EXOSC10: variants seen among roughly 807,000 people sequenced by gnomAD.
The protein encoded by EXOSC10 is exosome complex component 10.
In EXOSC10, 94 loss-of-function variants were observed where a neutral mutation model predicts 126.6. The ratio of observed to expected loss-of-function variants is 0.74; its 90% CI spans 0.63 to 0.88. The LOEUF is 0.88. Ranked by LOEUF, EXOSC10 falls within the 40% of genes least tolerant of loss-of-function variation. The probability of loss-of-function intolerance (pLI) is 0.00; values close to 1 mark genes in which losing one functional copy is unlikely to be tolerated. For missense variants in EXOSC10, 1,041 were observed against 1,100.5 expected (o/e 0.95, Z 0.77); for synonymous variants, 395 against 400.8 (o/e 0.99, Z 0.17).
At position 11,067,357 on chromosome 1, in the gene EXOSC10, G is replaced by A. The variant is rs868079474; in HGVS notation, c.2628-609C>T. On this transcript the variant is annotated intron_variant, in intron 24 of 24. Transcript: ENST00000376936. The stretch of plus-strand genomic sequence containing the variant: ...TGAGGCAGGAGAATGGCGTGAACCC[G>A]GGAGGCGCAGCTTGCAGTGAGCAGA... 1.7e-3 allele frequency among the ~76,000 whole-genome samples: 265 copies of A among 151,890 alleles called. 1 individual carries two copies. The highest frequency in any genetic ancestry group is 3.4e-3 in the Middle Eastern group (1 of 294).
intron 3 of EXOSC10, among the ~76,000 whole-genome samples, chr1:11,094,388 G>A (rs1195781335): frequency 2.0e-5 from 3 of 151,242 alleles, no homozygotes; most frequent in East Asian, 3.9e-4. Context: ...TCTGCCTCAC[G>A]AGTTCAAGCG....
intron 9 of EXOSC10, among the ~76,000 whole-genome samples, chr1:11,084,768 G>T (rs1375979995): frequency 6.6e-6 from 1 of 152,072 alleles, no homozygotes; most frequent in African/African-American, 2.4e-5. Flanking sequence ...GTCTAACGTT[G>T]TTAAGTCTTT....
chr1:11,089,302 G>C (rs1432444420), intron 6 of EXOSC10, among the ~76,000 whole-genome samples: 6 of 151,444 alleles, frequency 4.0e-5, no homozygotes, highest in Non-Finnish European at 5.9e-5. Flanking sequence ...ATAGTATGGA[G>C]GAAAGACAAA....
At chr1:11,083,278 T>C (rs1640272546) in intron 9 of EXOSC10, among the ~76,000 whole-genome samples, 2 of 152,110 alleles carry the variant, frequency 1.3e-5, no homozygotes, top group South Asian at 4.1e-4. Context: ...AGATTAGATA[T>C]ATGCAGCTGG....
In EXOSC10 at chr1:11,094,295, C is replaced by CTT. The variant is rs148618446; in HGVS notation, c.372+1461_372+1462dup. ...CCCTGGCCAGAATAAGGCACTTTAA[C>CTT]TTTTTTTTTTTTTTTTGAGATGGCG... On this transcript the variant is annotated intron_variant, in intron 3 of 24. Coordinates refer to ENST00000376936, the MANE Select transcript of EXOSC10 (RefSeq NM_001001998.3). Among the ~76,000 whole-genome samples the CTT allele has an allele frequency of 7.4e-3, 1,042 of 140,070 alleles. 20 individuals carry two copies. Among genetic ancestry groups the CTT allele is most frequent in the African/African-American group, 0.025 (978 of 38,358 alleles). 91.9% of individuals were successfully genotyped at this position (140,070 alleles called of 152,430 possible).
chr1:11,093,435 C>T (rs781419107), intron 3 of EXOSC10, among the ~76,000 whole-genome samples: 1 of 152,130 alleles, frequency 6.6e-6, no homozygotes, highest in Non-Finnish European at 1.5e-5. Flanking sequence ...TATGGCAGGA[C>T]TTGAAATCAC....
chr1:11,082,415 A>C, intron 10 of EXOSC10: 1 of 623,844 alleles, frequency 1.6e-6, no homozygotes, highest in Non-Finnish European at 2.5e-6. Flanking sequence ...TTTCAAACAA[A>C]AGACCAGCAT....
At position 11,099,801 on chromosome 1, in the gene EXOSC10, C is replaced by T. The variant is rs1274644846; in HGVS notation, c.31G>A (p.Val11Ile). 2 of 1,611,654 alleles carry T rather than the reference C, an allele frequency of 1.2e-6. No individual in the cohort carries two copies. Among genetic ancestry groups the T allele is most frequent in the East Asian group, 2.3e-5 (1 of 44,402 alleles). ...TTGGTTGCGCTGGTCGCCGACAGGACCCTGGGCTCCCGGGTACTGGGTGGC... is the reference window on the plus strand; with the variant it reads ...TTGGTTGCGCTGGTCGCCGACAGGATCCTGGGCTCCCGGGTACTGGGTGGC... Reference protein sequence around the residue: MAPPSTREPRVLSATSATKSD... With the variant: MAPPSTREPRILSATSATKSD... Residue 11 changes from valine (V) to isoleucine (I), a missense_variant, in exon 1 of 25, where the codon GTC (valine) becomes ATC (isoleucine). Physicochemically the swap from Val to Ile is conservative, Grantham distance 29. Coordinates refer to ENST00000376936, the MANE Select transcript of EXOSC10 (RefSeq NM_001001998.3).
At chr1:11,086,078 TTC>T (rs1640477208) in intron 9 of EXOSC10, among the ~76,000 whole-genome samples, 1 of 150,988 alleles carries the variant, frequency 6.6e-6, no homozygotes. Flanking sequence ...TGGTCTAAAA[TTC>T]TCTTTTTTGG....
At chr1:11,090,907 A>C (rs1266570594) in intron 5 of EXOSC10, 107 bp downstream of exon 5, 1 of 1,186,782 alleles carries the variant, frequency 8.4e-7, no homozygotes, top group Non-Finnish European at 1.2e-6. Context: ...CTTTGAACAA[A>C]GGAGGGTGGG....
At chr1:11,075,544 T>C (rs1018743258) in intron 17 of EXOSC10, among the ~76,000 whole-genome samples, 1 of 152,182 alleles carries the variant, frequency 6.6e-6, no homozygotes, top group African/African-American at 2.4e-5. Flanking sequence ...CTAAATCATC[T>C]TCATGACTCA....
intron 9 of EXOSC10, among the ~76,000 whole-genome samples, chr1:11,086,915 A>C (rs938995764): frequency 6.6e-6 from 1 of 152,168 alleles, no homozygotes; most frequent in Non-Finnish European, 1.5e-5. Context: ...AAGAACTAGA[A>C]AAGCAAGAGC....
chr1:11,081,180 T>C lies in EXOSC10; in HGVS notation c.1339A>G (p.Ile447Val). Residue 447 changes from isoleucine (I) to valine (V), a missense_variant, in exon 11 of 25, where the codon ATC (isoleucine) becomes GTC (valine). Transcript: ENST00000376936. Reference sequence around the variant, plus strand: ...ATCTCCAGCCTCATTTTGTCATAGATATATAGCAGGTAATGGGTGTCATCC... The same window carrying C: ...ATCTCCAGCCTCATTTTGTCATAGACATATAGCAGGTAATGGGTGTCATCC... ...ARDDTHYLLYIYDKMRLEMWE... is the reference protein window; with the variant it reads ...ARDDTHYLLYVYDKMRLEMWE... 1 of 1,614,148 alleles carries C rather than the reference T, an allele frequency of 6.2e-7. No homozygotes were observed. Among genetic ancestry groups the C allele is most frequent in the Non-Finnish European group, 8.5e-7 (1 of 1,180,038 alleles).
Position 11,099,823 on chromosome 1 carries a change from T to C in EXOSC10, c.9A>G (p.Pro3=). 6.2e-7 allele frequency: 1 copy of C among 1,605,962 alleles called. No homozygotes were observed. The highest frequency in any genetic ancestry group is 8.5e-7 in the Non-Finnish European group (1 of 1,175,786). The change falls in exon 1 of 25, where the codon CCA becomes CCG. Residue 3 remains proline (P), a synonymous_variant. Coordinates refer to ENST00000376936, the MANE Select transcript of EXOSC10 (RefSeq NM_001001998.3). MA[P]PSTREPRVLS... ...GGACCCTGGGCTCCCGGGTACTGGG[T>C]GGCGCCATTTTTTCAGCCTGCACGG...
At chr1:11,084,203 ACT>A (rs1339806220) in intron 9 of EXOSC10, among the ~76,000 whole-genome samples, 24 of 152,238 alleles carry the variant, frequency 1.6e-4, no homozygotes, top group African/African-American at 5.8e-4. Context: ...GAATTGCCAC[ACT>A]GACTTCCACA....
At chr1:11,069,790 C>T (rs1045629901) in intron 21 of EXOSC10, 60 bp from the exon 22 acceptor site, 15 of 1,578,400 alleles carry the variant, frequency 9.5e-6, no homozygotes, top group Admixed American at 3.6e-5. Flanking sequence ...CAGGGAACTC[C>T]ACCGGCCTCA....
In EXOSC10 at chr1:11,087,890, C is replaced by T. The variant is rs770994907; in HGVS notation, c.855G>A (p.Glu285=). Residue 285 remains glutamate (E), a synonymous_variant, in exon 8 of 25, where the codon GAG becomes GAA. Transcript: ENST00000376936. ...GGGAGGATATGAAATGGCATGGTGT[C>T]TCTTCTATAGGTCTGTATAACTGGA... The part of the protein sequence containing the change: ...PQPQLYRPIE[E]TPCHFISSLD... 1.2e-6 allele frequency: 2 copies of T among 1,609,952 alleles called. No individual in the cohort carries two copies. Among genetic ancestry groups the T allele is most frequent in the South Asian group, 2.2e-5 (2 of 90,884 alleles).
In EXOSC10 at chr1:11,087,813, G is replaced by A. The variant is rs1483916848; in HGVS notation, c.932C>T (p.Ala311Val). The A allele has an allele frequency of 1.2e-6, 2 of 1,611,778 alleles. No homozygotes were observed. The highest frequency in any genetic ancestry group is 1.7e-6 in the Non-Finnish European group (2 of 1,179,096). The change falls in exon 8 of 25, where the codon GCA becomes GTA. Residue 311 changes from alanine (A) to valine (V), a missense_variant. Around this residue, in one of 3 missense-constraint regions of EXOSC10, gnomAD observed 645 missense variants for 656.3 expected, o/e 0.98. Coordinates refer to ENST00000376936, the MANE Select transcript of EXOSC10 (RefSeq NM_001001998.3). Reference protein sequence around the residue: ...NEKLLNCQEFAVDLEHHSYRS... With the variant: ...NEKLLNCQEFVVDLEHHSYRS... The stretch of plus-strand genomic sequence containing the variant: ...TTTATAAGATACCTCCAAGTCAACT[G>A]CAAATTCCTGACAATTCAAGAGCTT...
In EXOSC10 at chr1:11,080,563, A is replaced by AACACACACACACACAC. The variant is rs70977543; in HGVS notation, c.1587-30_1587-15dup. The AACACACACACACACAC allele has an allele frequency of 1.9e-5, 27 of 1,423,606 alleles. No homozygotes were observed. The African/African-American group carries it at 4.0e-4, about 21-fold the overall frequency. 88.2% of individuals were successfully genotyped at this position (1,423,606 alleles called of 1,614,324 possible). On this transcript the variant is annotated splice_polypyrimidine_tract_variant and intron_variant, in intron 12 of 24. Transcript: ENST00000376936. The stretch of plus-strand genomic sequence containing the variant: ...GGCAGTACATATCTGGAAAAAAAAA[A>AACACACACACACACAC]ACACACACACACACACACACACACA...
Sources: gnomAD v4.1 joint callset for allele counts (sites outside exome capture counted in the v4.1 genomes callset) on GRCh38, gnomAD v4.1.1 for gene constraint, gnomAD v4.1.1 regional missense constraint, MANE v1.5 for transcripts, NCBI Gene and HGNC (gene_info 2026-07-23, HGNC 2026-07-21) for gene names.